Variants in P4HA1 observed in about 807,000 individuals in gnomAD.
The protein encoded by P4HA1 is prolyl 4-hydroxylase subunit alpha 1.
A neutral mutation model predicts 72.8 loss-of-function variants in P4HA1; 24 were observed. That is an observed-to-expected ratio of 0.33 (90% CI 0.24 to 0.46). P4HA1 has a LOEUF of 0.46. Among genes scored for constraint, P4HA1 ranks in the 20% least tolerant of loss-of-function variants. The pLI, the probability that P4HA1 is intolerant of heterozygous loss-of-function variation, is 1.00. For synonymous variants in P4HA1, 201 were observed against 218.8 expected (o/e 0.92, Z 0.72); for missense variants, 446 against 640.6 (o/e 0.70, Z 3.28).
intron 1 of P4HA1, among the ~76,000 whole-genome samples, chr10:73,080,772 C>A (rs1388449905): frequency 6.6e-6 from 1 of 151,936 alleles, no homozygotes; most frequent in Non-Finnish European, 1.5e-5. Flanking sequence ...ACTAAAAATA[C>A]AAAAAATTAG....
At chr10:73,041,821 T>TTGGG (rs1840743278) in intron 9 of P4HA1, among the ~76,000 whole-genome samples, 6 of 151,970 alleles carry the variant, frequency 3.9e-5, no homozygotes, top group Admixed American at 3.9e-4. Context: ...TGGGTTCTCA[T>TTGGG]TTTTTTCTAT....
At chr10:73,096,454 C>T (rs1368082403) in intron 1 of P4HA1, among the ~76,000 whole-genome samples, 1 of 151,980 alleles carries the variant, frequency 6.6e-6, no homozygotes, top group Admixed American at 6.5e-5. Context: ...GATTCCTCCC[C>T]GGGAAGGAAA....
At chr10:73,072,242 G>T in intron 3 of P4HA1, 62 bp from the exon 4 acceptor site, 2 of 1,330,598 alleles carry the variant, frequency 1.5e-6, no homozygotes, top group South Asian at 1.4e-5. Context: ...ACAATTTAAT[G>T]AAACGCTCAG....
At chr10:73,022,894 A>G (rs1301359123) in intron 10 of P4HA1, among the ~76,000 whole-genome samples, 2 of 152,270 alleles carry the variant, frequency 1.3e-5, no homozygotes, top group African/African-American at 4.8e-5. Context: ...AAAGGGTATC[A>G]GTGATTGAAG....
chr10:73,059,836 T>C (rs796574712), intron 5 of P4HA1, among the ~76,000 whole-genome samples: 1 of 151,990 alleles, frequency 6.6e-6, no homozygotes, highest in Admixed American at 6.6e-5. Context: ...GCCTAACTAT[T>C]TGGGAGGCTG....
intron 12 of P4HA1, among the ~76,000 whole-genome samples, chr10:73,011,682 T>A (rs1407033701): frequency 6.6e-6 from 1 of 152,066 alleles, no homozygotes; most frequent in Admixed American, 6.6e-5. Context: ...ACATGGATCA[T>A]AAAGATTTTT....
intron 1 of P4HA1, among the ~76,000 whole-genome samples, chr10:73,091,618 C>G (rs1397794050): frequency 2.0e-5 from 3 of 152,152 alleles, no homozygotes; most frequent in Non-Finnish European, 4.4e-5. Flanking sequence ...AACAGGATAT[C>G]TGATGCTTCA....
chr10:73,031,536 G>C (rs1409507671), intron 9 of P4HA1, among the ~76,000 whole-genome samples: 7 of 151,986 alleles, frequency 4.6e-5, no homozygotes, highest in Non-Finnish European at 1.0e-4. Context: ...AAAGAAGCCA[G>C]ATACAAAGGC....
intron 4 of P4HA1, among the ~76,000 whole-genome samples, chr10:73,070,763 T>A (rs926783797): frequency 6.6e-6 from 1 of 152,192 alleles, no homozygotes; most frequent in Admixed American, 6.6e-5. Flanking sequence ...AAAATTAAAA[T>A]ATATATACTC....
chr10:73,017,423 C>T (rs2133040452), intron 10 of P4HA1, among the ~76,000 whole-genome samples: 1 of 152,170 alleles, frequency 6.6e-6, no homozygotes, highest in African/African-American at 2.4e-5. Flanking sequence ...ACAAGTGATC[C>T]TCCCACTTCA....
chr10:73,084,451 G>A (rs1186195718), intron 1 of P4HA1, among the ~76,000 whole-genome samples: 1 of 152,012 alleles, frequency 6.6e-6, no homozygotes, highest in Non-Finnish European at 1.5e-5. Context: ...GTGCCACCAC[G>A]ACCGGCCAAT....
chr10:73,049,242 A>C (rs1840954685), intron 7 of P4HA1, among the ~76,000 whole-genome samples: 4 of 152,236 alleles, frequency 2.6e-5, no homozygotes. Flanking sequence ...TACGTATTGT[A>C]TACTTTGCTG....
intron 1 of P4HA1, chr10:73,082,582 C>T (rs1841849035): frequency 6.6e-6 from 1 of 152,146 alleles, no homozygotes; most frequent in Non-Finnish European, 1.5e-5. Flanking sequence ...AACACCATTG[C>T]ACTTGGTCCA....
intron 10 of P4HA1, among the ~76,000 whole-genome samples, chr10:73,029,472 T>C (rs1190684845): frequency 6.6e-6 from 1 of 151,756 alleles, no homozygotes; most frequent in East Asian, 1.9e-4. Flanking sequence ...AGGCATTGGT[T>C]TTTTTAGTGC....
chr10:73,009,667 G>A (rs1839869776), intron 14 of P4HA1, 140 bp downstream of exon 14: 8 of 488,924 alleles, frequency 1.6e-5, no homozygotes, highest in Middle Eastern at 7.3e-4. Context: ...TTATGATTAG[G>A]CACTTGTTTG....
intron 9 of P4HA1, among the ~76,000 whole-genome samples, chr10:73,034,963 A>G (rs760624989): frequency 9.9e-5 from 15 of 152,132 alleles, no homozygotes; most frequent in Non-Finnish European, 2.1e-4. Context: ...ATAATATTCT[A>G]TTATCTATAT....
intron 10 of P4HA1, among the ~76,000 whole-genome samples, chr10:73,029,878 T>C (rs1214329634): frequency 1.3e-5 from 2 of 151,962 alleles, no homozygotes; most frequent in Non-Finnish European, 2.9e-5. Context: ...TGTTTCACTA[T>C]TACAAATAAA....
At chr10:73,049,691 G>A (rs1304308092) in intron 7 of P4HA1, among the ~76,000 whole-genome samples, 4 of 152,056 alleles carry the variant, frequency 2.6e-5, no homozygotes, top group Non-Finnish European at 5.9e-5. Context: ...ATATTTTAAA[G>A]AAATATTAAA....
intron 11 of P4HA1, 79 bp from the exon 12 acceptor site, chr10:73,014,368 A>C: frequency 9.8e-7 from 1 of 1,024,626 alleles, no homozygotes; most frequent in Non-Finnish European, 1.5e-6. Flanking sequence ...AAACATCAGT[A>C]GTAATATCCT....
Sources: allele counts gnomAD v4.1 joint callset (sites outside exome capture counted in the v4.1 genomes callset), GRCh38; gene constraint gnomAD v4.1.1; transcripts MANE v1.5; gene names NCBI Gene and HGNC (gene_info 2026-07-23, HGNC 2026-07-21).